The following COL15A1 variants were observed in gnomAD, a reference collection of about 807,000 sequenced individuals.
The protein encoded by COL15A1 is collagen alpha-1(XV) chain.
In COL15A1, 111 loss-of-function variants were observed where a neutral mutation model predicts 165.9. That is an observed-to-expected ratio of 0.67 (90% CI 0.57 to 0.78). The LOEUF (loss-of-function observed/expected upper bound fraction) is 0.78. Among genes scored for constraint, COL15A1 ranks in the 30% least tolerant of loss-of-function variants. The pLI is 0.00. For synonymous variants in COL15A1, 659 were observed against 674.8 expected (o/e 0.98, Z 0.36); for missense variants, 1,745 against 1,789.7 (o/e 0.98, Z 0.45).
chr9:99,069,781 C>T lies in COL15A1; in HGVS notation c.4062C>T (p.Ser1354=), dbSNP rs750740409. The change falls in exon 42 of 42, where the codon TCC becomes TCT. Residue 1354 remains serine, a synonymous_variant. Transcript: ENST00000375001. ...TADTAVTGLA[S]PLSTGKILDQ... is the part of the protein sequence containing the mutation. Reference sequence around the variant, plus strand: ...ACACAGCGGTCACGGGACTTGCCTCCCCGCTGAGCACGGGGAAGATTCTGG... The same window carrying T: ...ACACAGCGGTCACGGGACTTGCCTCTCCGCTGAGCACGGGGAAGATTCTGG... 3.7e-6 allele frequency: 6 copies of T among 1,614,216 alleles called. No homozygotes were observed. In the Admixed American group the frequency reaches 5.0e-5, roughly 13 times the overall value.
At position 99,034,567 on chromosome 9, in the gene COL15A1, G is replaced by C. The variant is rs767927669; in HGVS notation, c.2062G>C (p.Gly688Arg). Residue 688 changes from glycine (G) to arginine (R), a missense_variant, in exon 17 of 42, where the codon GGC (glycine) becomes CGC (arginine). Physicochemically the swap from Gly to Arg is moderately radical, Grantham distance 125 (BLOSUM62 -2). Coordinates refer to ENST00000375001, the MANE Select transcript of COL15A1 (RefSeq NM_001855.5). Reference protein sequence around the residue: ...KGEKGARGPNGSVGEKGDPGN... With the variant: ...KGEKGARGPNRSVGEKGDPGN... ...TTTTCAGGGAGCAAGAGGGCCTAATGGCTCAGTTGGTGAAAAGGTAAAAAA... is the reference window on the plus strand; with the variant it reads ...TTTTCAGGGAGCAAGAGGGCCTAATCGCTCAGTTGGTGAAAAGGTAAAAAA... 7.1e-7 allele frequency: 1 copy of C among 1,408,982 alleles called. No individual in the cohort carries two copies. The highest frequency in any genetic ancestry group is 3.1e-5 in the East Asian group (1 of 32,712). The allele number at this position is 1,408,982 out of a possible 1,614,324, so 87.3% of individuals were successfully genotyped here.
At chr9:99,021,184 G>T (rs1839021543) in intron 12 of COL15A1, among the ~76,000 whole-genome samples, 1 of 152,134 alleles carries the variant, frequency 6.6e-6, no homozygotes, top group Non-Finnish European at 1.5e-5. Context: ...CTGGTCCTCT[G>T]CCTGTCTCAC....
chr9:99,020,502 T>G, intron 12 of COL15A1, 60 bp downstream of exon 12: 1 of 1,224,158 alleles, frequency 8.2e-7, no homozygotes, highest in Non-Finnish European at 1.2e-6. Context: ...CCTGAACATG[T>G]TATTTAGGTT....
Position 99,042,027 on chromosome 9 carries a change from T to C in COL15A1, c.2512-18T>C, listed in dbSNP as rs761309530. The C allele has an allele frequency of 5.8e-6, 9 of 1,562,334 alleles. No individual in the cohort carries two copies. The Admixed American group carries it at 1.5e-4, about 27-fold the overall frequency. On this transcript the variant is annotated intron_variant, in intron 23 of 41. Transcript: ENST00000375001. ...AATCTTAACGAACAACCAAATACTA[T>C]ATAACAATTCCTTCCAGGGTCCTAG...
At chr9:98,997,108 AGTGGCCTTTTATTGG>A in intron 6 of COL15A1, 27 bp downstream of exon 6, 2 of 1,613,168 alleles carry the variant, frequency 1.2e-6, no homozygotes, top group Non-Finnish European at 1.7e-6. Flanking sequence ...ATGCCTACGT[AGTGGCCTTTTATTGG>A]GTGATTACTA....
At chr9:98,969,811 A>T (rs567204198) in intron 2 of COL15A1, among the ~76,000 whole-genome samples, 1 of 152,354 alleles carries the variant, frequency 6.6e-6, no homozygotes, top group South Asian at 2.1e-4. Context: ...TGAGGGCTTA[A>T]AATCTCCAGT....
intron 12 of COL15A1, among the ~76,000 whole-genome samples, chr9:99,021,496 C>T (rs1477833136): frequency 6.6e-6 from 1 of 152,190 alleles, no homozygotes; most frequent in African/African-American, 2.4e-5. Context: ...TTTTTGACAG[C>T]CAAAACCTCC....
chr9:99,063,126 C>G lies in COL15A1; in HGVS notation c.3651+17C>G, dbSNP rs137897611. The G allele has an allele frequency of 1.3e-6, 2 of 1,577,118 alleles. No individual in the cohort carries two copies. The highest frequency in any genetic ancestry group is 1.4e-5 in the African/African-American group (1 of 72,410). On this transcript the variant is annotated intron_variant, in intron 39 of 41. Coordinates refer to ENST00000375001, the MANE Select transcript of COL15A1 (RefSeq NM_001855.5). ...AAGCCTGCTGTAAGTACAATTTATA[C>G]ATTTAATCTTCAAATACTGAGTGTA...
intron 2 of COL15A1, among the ~76,000 whole-genome samples, chr9:98,961,755 C>G (rs907389501): frequency 6.6e-6 from 1 of 152,220 alleles, no homozygotes; most frequent in Non-Finnish European, 1.5e-5. Context: ...CAGTCAAGCC[C>G]TGGATTCTAC....
At chr9:99,034,949 A>G (rs915592432) in intron 17 of COL15A1, 65 bp from the exon 18 acceptor site, 15 of 1,326,912 alleles carry the variant, frequency 1.1e-5, no homozygotes, top group Admixed American at 1.7e-5. Flanking sequence ...TGATTCAGGC[A>G]TGCATGTTGT....
Position 99,047,944 on chromosome 9 carries a change from C to A in COL15A1, c.2737C>A (p.Arg913Ser), listed in dbSNP as rs189617367. The change falls in exon 28 of 42, where the codon CGC becomes AGC. Residue 913 changes from arginine (R) to serine (S), a missense_variant. Coordinates refer to ENST00000375001, the MANE Select transcript of COL15A1 (RefSeq NM_001855.5). ...GEFGLPGRPG[R>S]PGLNGLKGTK... ...AGGTGTCTGCTGTGGGTTCCAGGGT[C>A]GCCCAGGACTGAATGGCCTCAAGGG... 9.9e-6 allele frequency: 16 copies of A among 1,608,230 alleles called. No individual in the cohort carries two copies. In the African/African-American group the frequency reaches 1.9e-4, roughly 19 times the overall value.
rs570788435 is a variant in COL15A1, at chr9:99,044,576, G to A, written c.2583G>A (p.Lys861=). The A allele has an allele frequency of 1.5e-4, 241 of 1,614,104 alleles. 4 individuals are homozygous for A. The South Asian group carries it at 2.4e-3, about 16-fold the overall frequency. The change falls in exon 25 of 42, where the codon AAG becomes AAA. Residue 861 remains lysine (K), a synonymous_variant. Coordinates refer to ENST00000375001, the MANE Select transcript of COL15A1 (RefSeq NM_001855.5). ...FPGLKGEQGE[K]GEPGAILTED... is the part of the protein sequence containing the mutation. ...TGTTCTCTGAATTGCAGGGCGAGAA[G>A]GGAGAGCCGGGTGCCATCCTGACAG...
chr9:99,022,119 C>T lies in COL15A1; in HGVS notation c.1730C>T (p.Pro577Leu). 1 of 1,614,146 alleles carries T rather than the reference C, an allele frequency of 6.2e-7. No homozygotes were observed. The highest frequency in any genetic ancestry group is 8.5e-7 in the Non-Finnish European group (1 of 1,180,008). ...KGDAGEELPGPPEPSGPVGPT... is the reference protein window; with the variant it reads ...KGDAGEELPGLPEPSGPVGPT... ...GATGCTGGGGAGGAGCTTCCTGGCCCTCCTGAACCTTCTGGGCCTGTTGGA... is the reference window on the plus strand; with the variant it reads ...GATGCTGGGGAGGAGCTTCCTGGCCTTCCTGAACCTTCTGGGCCTGTTGGA... Residue 577 changes from proline (P) to leucine (L), a missense_variant, in exon 13 of 42, where the codon CCT becomes CTT. Transcript: ENST00000375001.
At chr9:98,959,705 G>T (rs1837837075) in intron 2 of COL15A1, among the ~76,000 whole-genome samples, 1 of 152,192 alleles carries the variant, frequency 6.6e-6, no homozygotes, top group African/African-American at 2.4e-5. Context: ...CTTTCTGCTG[G>T]GTTGCTACAG....
intron 11 of COL15A1, among the ~76,000 whole-genome samples, chr9:99,016,997 C>T (rs868741638): frequency 3.9e-5 from 6 of 152,212 alleles, no homozygotes; most frequent in African/African-American, 9.6e-5. Flanking sequence ...GCGGTTATCA[C>T]GCTGCTTCCT....
chr9:99,063,007 A>C (rs764449386), intron 38 of COL15A1, 43 bp from the exon 39 acceptor site: 1 of 1,575,090 alleles, frequency 6.3e-7, no homozygotes, highest in South Asian at 1.2e-5. Flanking sequence ...GAACAGATTG[A>C]ATGCATATTC....
At chr9:98,965,179 G>A (rs1450835233) in intron 2 of COL15A1, among the ~76,000 whole-genome samples, 1 of 152,176 alleles carries the variant, frequency 6.6e-6, no homozygotes, top group Non-Finnish European at 1.5e-5. Context: ...GCAGCTTGGG[G>A]TGAAATGAGG....
chr9:98,983,335 T>C lies in COL15A1; in HGVS notation c.101-2230T>C, dbSNP rs10988460. Among the ~76,000 whole-genome samples, 21 of 152,284 alleles carry C rather than the reference T, an allele frequency of 1.4e-4. No homozygotes were observed. In the East Asian group the frequency reaches 2.3e-3, roughly 17 times the overall value. On this transcript the variant is annotated intron_variant, in intron 2 of 41. Coordinates refer to ENST00000375001, the MANE Select transcript of COL15A1 (RefSeq NM_001855.5). ...CATCCTTCTTGCTGCTGAAGGGTCA[T>C]TGATATAGTAGGCAGACTAGGTGGA...
intron 21 of COL15A1, among the ~76,000 whole-genome samples, chr9:99,037,808 A>G (rs1839328315): frequency 6.6e-6 from 1 of 152,212 alleles, no homozygotes; most frequent in African/African-American, 2.4e-5. Context: ...GTAGGCACGG[A>G]GGACAGAACT....
Sources: gnomAD v4.1 joint callset for allele counts (sites outside exome capture counted in the v4.1 genomes callset) on GRCh38, gnomAD v4.1.1 for gene constraint, MANE v1.5 for transcripts, NCBI Gene and HGNC (gene_info 2026-07-23, HGNC 2026-07-21) for gene names.